Variants in HS3ST5 observed in about 807,000 individuals in gnomAD.
HS3ST5 encodes the protein heparan sulfate-glucosamine 3-sulfotransferase 5.
Under a neutral mutation model 25.4 loss-of-function variants are expected in HS3ST5, and 10 were observed. The observed-to-expected ratio is 0.39, with a 90% CI of 0.24 to 0.67. The LOEUF (loss-of-function observed/expected upper bound fraction) is 0.67, where lower values mean the gene tolerates loss of function less well. Ranked by LOEUF, HS3ST5 falls within the 30% of genes least tolerant of loss-of-function variation. The pLI, the probability that HS3ST5 is intolerant of heterozygous loss-of-function variation, is 0.44. For synonymous variants in HS3ST5, 170 were observed against 162.4 expected, an observed-to-expected ratio of 1.05 and a Z score of -0.36; for missense variants, 324 against 420.7, an observed-to-expected ratio of 0.77 and a Z score of 2.01.
intron 1 of HS3ST5, among the ~76,000 whole-genome samples, chr6:114,272,193 C>T (rs1773664853): frequency 1.3e-5 from 2 of 152,096 alleles, no homozygotes; most frequent in African/African-American, 4.8e-5. Context: ...TATGTCTTTA[C>T]ATGTACAGAA....
At chr6:114,267,204 C>T (rs1773442366) in intron 1 of HS3ST5, among the ~76,000 whole-genome samples, 1 of 152,232 alleles carries the variant, frequency 6.6e-6, no homozygotes, top group Non-Finnish European at 1.5e-5. Context: ...AAAAATGAGT[C>T]TATGTGATAA....
chr6:114,061,945 T>C (rs768843104), intron 4 of HS3ST5, among the ~76,000 whole-genome samples: 17 of 151,924 alleles, frequency 1.1e-4, no homozygotes, highest in Non-Finnish European at 2.4e-4. Context: ...AAACTCCATC[T>C]CAAAAAAAAA....
At chr6:114,149,799 A>G (rs1003788272) in intron 3 of HS3ST5, among the ~76,000 whole-genome samples, 1 of 152,224 alleles carries the variant, frequency 6.6e-6, no homozygotes, top group Non-Finnish European at 1.5e-5. Flanking sequence ...GTATATCACC[A>G]CTTTGATATT....
intron 3 of HS3ST5, among the ~76,000 whole-genome samples, chr6:114,136,492 T>C (rs1777621300): frequency 6.6e-6 from 1 of 152,208 alleles, no homozygotes. Context: ...GTCTCGGATA[T>C]ATCTTTATTA....
intron 3 of HS3ST5, among the ~76,000 whole-genome samples, chr6:114,070,665 C>T (rs1253005020): frequency 6.6e-6 from 1 of 152,066 alleles, no homozygotes; most frequent in Non-Finnish European, 1.5e-5. Flanking sequence ...CCAATCCCTA[C>T]CCACCCCTTC....
intron 3 of HS3ST5, among the ~76,000 whole-genome samples, chr6:114,116,814 T>G (rs1233417428): frequency 9.2e-5 from 14 of 152,168 alleles, no homozygotes. Flanking sequence ...ATTGCTGCCC[T>G]TCCTTTTGGG....
chr6:114,269,403 C>A (rs1427128334), intron 1 of HS3ST5, among the ~76,000 whole-genome samples: 1 of 152,152 alleles, frequency 6.6e-6, no homozygotes, highest in Non-Finnish European at 1.5e-5. Flanking sequence ...TAAAGGGAGA[C>A]AGATTCAGGT....
At chr6:114,067,723 G>A (rs977231625) in intron 3 of HS3ST5, among the ~76,000 whole-genome samples, 13 of 152,158 alleles carry the variant, frequency 8.5e-5, no homozygotes, top group East Asian at 7.7e-4. Flanking sequence ...TGGCAGGCCC[G>A]GTACGCATTC....
At chr6:114,264,786 AG>A (rs1195568132) in intron 1 of HS3ST5, among the ~76,000 whole-genome samples, 1 of 152,202 alleles carries the variant, frequency 6.6e-6, no homozygotes, top group Admixed American at 6.5e-5. Flanking sequence ...TTACAAAGTA[AG>A]GAGAAGAGTT....
intron 2 of HS3ST5, among the ~76,000 whole-genome samples, chr6:114,177,317 G>A (rs910272616): frequency 2.6e-5 from 4 of 152,138 alleles, no homozygotes; most frequent in African/African-American, 9.7e-5. Context: ...TTTAAATTCA[G>A]TATATTTCAG....
chr6:114,196,692 A>C (rs1320054484), intron 2 of HS3ST5, among the ~76,000 whole-genome samples: 1 of 152,012 alleles, frequency 6.6e-6, no homozygotes, highest in Non-Finnish European at 1.5e-5. Context: ...ATAGAAGTAG[A>C]GTCTTAGCCT....
At chr6:114,137,782 A>G (rs1777700408) in intron 3 of HS3ST5, among the ~76,000 whole-genome samples, 1 of 151,434 alleles carries the variant, frequency 6.6e-6, no homozygotes, top group Non-Finnish European at 1.5e-5. Flanking sequence ...CATCTCTTCC[A>G]CTCTTCCCAT....
chr6:114,149,972 T>A lies in HS3ST5; in HGVS notation c.-33+18379A>T, dbSNP rs149506489. On this transcript the variant is annotated intron_variant, in intron 3 of 4. Coordinates refer to ENST00000312719, the MANE Select transcript of HS3ST5 (RefSeq NM_153612.4). ...AAAGAGTTTCCCTTTGTTGGTTAGA[T>A]TAACATTTAGCCAAAAGATAAGTGA... 3.3e-5 allele frequency among the ~76,000 whole-genome samples: 5 copies of A among 152,310 alleles called. No homozygotes were observed. In the East Asian group the frequency reaches 9.6e-4, roughly 29 times the overall value.
chr6:114,161,557 ATATATATATATATATAT>A (rs1778967944), intron 3 of HS3ST5, among the ~76,000 whole-genome samples: 1 of 106,870 alleles, frequency 9.4e-6, no homozygotes, highest in Non-Finnish European at 2.0e-5. Context: ...ATATATATAT[ATATATATATATATATAT>A]AAAATGCAAT....
At chr6:114,149,589 G>A (rs932522630) in intron 3 of HS3ST5, among the ~76,000 whole-genome samples, 2 of 152,128 alleles carry the variant, frequency 1.3e-5, no homozygotes, top group Non-Finnish European at 2.9e-5. Flanking sequence ...TGGCAGGTGG[G>A]GGGCAGGGGA....
intron 1 of HS3ST5, among the ~76,000 whole-genome samples, chr6:114,300,102 CTT>C (rs954153773): frequency 7.0e-6 from 1 of 142,920 alleles, no homozygotes; most frequent in Admixed American, 7.0e-5. Flanking sequence ...TTTAGGCAGT[CTT>C]TTTTTTTTTA....
intron 1 of HS3ST5, among the ~76,000 whole-genome samples, chr6:114,260,241 G>A (rs936608332): frequency 1.1e-4 from 16 of 151,924 alleles, no homozygotes; most frequent in African/African-American, 2.9e-4. Flanking sequence ...ACTATATATC[G>A]CTTTGATGAA....
At chr6:114,085,437 T>C (rs1224020073) in intron 3 of HS3ST5, among the ~76,000 whole-genome samples, 2 of 152,186 alleles carry the variant, frequency 1.3e-5, no homozygotes, top group African/African-American at 4.8e-5. Context: ...CTCAGAGAAT[T>C]CCATTCTCTC....
chr6:114,085,240 G>A (rs1209290666), intron 3 of HS3ST5, among the ~76,000 whole-genome samples: 1 of 152,062 alleles, frequency 6.6e-6, no homozygotes, highest in Non-Finnish European at 1.5e-5. Flanking sequence ...CATTTTATAA[G>A]AAACTTTATT....
Sources: gnomAD v4.1 joint callset for allele counts (sites outside exome capture counted in the v4.1 genomes callset) on GRCh38, gnomAD v4.1.1 for gene constraint, MANE v1.5 for transcripts, NCBI Gene and HGNC (gene_info 2026-07-23, HGNC 2026-07-21) for gene names.